EFNB2: variants seen among roughly 807,000 people sequenced by gnomAD.
EFNB2 encodes the protein ephrin-B2.
A neutral mutation model predicts 32.1 loss-of-function variants in EFNB2; 5 were observed. The observed-to-expected ratio is 0.16, with a 90% CI of 0.08 to 0.33. The LOEUF (loss-of-function observed/expected upper bound fraction) is 0.33, where lower values mean the gene tolerates loss of function less well. EFNB2 is among the 10% of genes least tolerant of loss of function. The pLI, the probability that EFNB2 is intolerant of heterozygous loss-of-function variation, is 1.00. For synonymous variants in EFNB2, 168 were observed against 166.5 expected (o/e 1.01, Z -0.07); for missense variants, 263 against 422.6 (o/e 0.62, Z 3.31).
intron 4 of EFNB2, among the ~76,000 whole-genome samples, chr13:106,494,522 G>T (rs1165755359): frequency 1.3e-5 from 2 of 152,202 alleles, no homozygotes; most frequent in African/African-American, 4.8e-5. Context: ...GATATAATTA[G>T]ATGAGGGATT....
At position 106,490,553 on chromosome 13, in the gene EFNB2, G is replaced by GAA. The variant is rs1230669590; in HGVS notation, c.*2486_*2487insTT. 6.6e-6 allele frequency: 1 copy of GAA among 152,044 alleles called. No individual in the cohort carries two copies. Among genetic ancestry groups the GAA allele is most frequent in the African/African-American group, 2.4e-5 (1 of 41,408 alleles). 9.4% of individuals were successfully genotyped at this position (152,044 alleles called of 1,614,324 possible). ...TAGCCAACTGATGATACATACATTT[G>GAA]ATTTCATTAAAATCAGACTATTTCC... On this transcript the variant is annotated 3_prime_UTR_variant, in exon 5 of 5. Transcript: ENST00000646441.
rs1279651430 is a variant in EFNB2, at chr13:106,520,417, C to G, written c.123-7605G>C. 3.3e-5 allele frequency: 5 copies of G among 152,350 alleles called. No individual in the cohort carries two copies. The East Asian group carries it at 9.7e-4, about 29-fold the overall frequency. The allele number at this position is 152,350 out of a possible 1,614,324, so 9.4% of individuals were successfully genotyped here. On this transcript the variant is annotated intron_variant, in intron 1 of 4. Transcript: ENST00000646441. ...GCACGCTGCTCTGGATAAGCCCAAA[C>G]CCTTGACCCTTCACCCCACCATGTA...
chr13:106,532,803 C>T (rs1387837276), intron 1 of EFNB2, among the ~76,000 whole-genome samples: 1 of 149,220 alleles, frequency 6.7e-6, no homozygotes, highest in Admixed American at 6.8e-5. Context: ...GAAAGACAGA[C>T]TCATCTTCAT....
Position 106,535,403 on chromosome 13 carries a change from C to A in EFNB2, c.-439G>T, listed in dbSNP as rs1343435104. 2.0e-5 allele frequency: 3 copies of A among 150,598 alleles called. No homozygotes were observed. Among genetic ancestry groups the A allele is most frequent in the African/African-American group, 7.3e-5 (3 of 41,274 alleles). 9.3% of individuals were successfully genotyped at this position (150,598 alleles called of 1,614,324 possible). On this transcript the variant is annotated 5_prime_UTR_variant, in exon 1 of 5. Coordinates refer to ENST00000646441, the MANE Select transcript of EFNB2 (RefSeq NM_004093.4). ...GTGACTATAGATCCAGTGCAGCGGGCAGCGGCCCGAGCGCGCGGGCGCCGC... is the reference window on the plus strand; with the variant it reads ...GTGACTATAGATCCAGTGCAGCGGGAAGCGGCCCGAGCGCGCGGGCGCCGC...
rs34068695 is a variant in EFNB2 at position 106,509,627 on chromosome 13, CTGTGTGTGTGTGTGTGTGTG to C, written c.406+2882_406+2901del. Among the ~76,000 whole-genome samples the C allele has an allele frequency of 1.7e-4, 24 of 142,666 alleles. No individual in the cohort carries two copies. In the South Asian group the frequency reaches 2.2e-3, roughly 13 times the overall value. 93.6% of individuals were successfully genotyped at this position (142,666 alleles called of 152,430 possible). A position where few individuals can be genotyped will look rare whatever the true frequency, so the allele number is the denominator to read the frequency against. On this transcript the variant is annotated intron_variant, in intron 2 of 4. Transcript: ENST00000646441. ...TCAAAAAAGCCAGTACAGAGCTTGACTGTGTGTGTGTGTGTGTGTGTGTGTGTGTGTGTGTGTGTGTGTGC... is the reference window on the plus strand; with the variant it reads ...TCAAAAAAGCCAGTACAGAGCTTGACTGTGTGTGTGTGTGTGTGTGTGTGC...
chr13:106,534,747 C>A, intron 1 of EFNB2, 96 bp downstream of exon 1: 2 of 1,413,990 alleles, frequency 1.4e-6, no homozygotes, highest in Non-Finnish European at 1.9e-6. Flanking sequence ...GTTCCAGAAA[C>A]AGGCTCCGAG....
chr13:106,503,126 C>T (rs1332305751), intron 2 of EFNB2, among the ~76,000 whole-genome samples: 1 of 152,064 alleles, frequency 6.6e-6, no homozygotes. Flanking sequence ...TTTGGAACAG[C>T]TTGGTGTCTT....
chr13:106,521,756 T>A (rs1879527553), intron 1 of EFNB2: 1 of 148,036 alleles, frequency 6.8e-6, no homozygotes, highest in Admixed American at 6.6e-5. Flanking sequence ...TCTCATAGTT[T>A]AAGCTTTTTT....
intron 2 of EFNB2, 38 bp from the exon 3 acceptor site, chr13:106,495,878 G>A (rs2138899904): frequency 6.4e-7 from 1 of 1,568,198 alleles, no homozygotes; most frequent in Non-Finnish European, 8.7e-7. Context: ...AAAAAATAAA[G>A]AAAAATCAGG....
intron 2 of EFNB2, among the ~76,000 whole-genome samples, chr13:106,501,144 G>A (rs1045470620): frequency 6.6e-6 from 1 of 152,160 alleles, no homozygotes; most frequent in East Asian, 1.9e-4. Context: ...TCAAATTAAT[G>A]TAGTTGAATG....
At chr13:106,507,703 T>G (rs1161800016) in intron 2 of EFNB2, among the ~76,000 whole-genome samples, 1 of 152,182 alleles carries the variant, frequency 6.6e-6, no homozygotes, top group Non-Finnish European at 1.5e-5. Flanking sequence ...TCCAGACTTG[T>G]TCAGTGTTCC....
Position 106,535,181 on chromosome 13 carries a change from C to CGGCGGCGCGGCGGACTCGGGGTTCCGG in EFNB2, c.-244_-218dup, listed in dbSNP as rs1281038857. 3.0e-5 allele frequency: 6 copies of CGGCGGCGCGGCGGACTCGGGGTTCCGG among 198,080 alleles called. No individual in the cohort carries two copies. The highest frequency in any genetic ancestry group is 5.4e-5 in the Non-Finnish European group (6 of 111,100). 12.3% of individuals were successfully genotyped at this position (198,080 alleles called of 1,614,324 possible). A position where few individuals can be genotyped will look rare whatever the true frequency, so the allele number is the denominator to read the frequency against. ...GGGGCGGGAGCGCACGCGCGGGGCG[C>CGGCGGCGCGGCGGACTCGGGGTTCCGG]GGCGGCGCGGCGGACTCGGGGTTCC... is the stretch of plus-strand genomic sequence containing the variant. On this transcript the variant is annotated 5_prime_UTR_variant, in exon 1 of 5. Coordinates refer to ENST00000646441, the MANE Select transcript of EFNB2 (RefSeq NM_004093.4).
At chr13:106,495,863 A>G (rs1878571792) in intron 2 of EFNB2, 23 bp from the exon 3 acceptor site, 3 of 1,597,756 alleles carry the variant, frequency 1.9e-6, no homozygotes, top group African/African-American at 2.7e-5. Flanking sequence ...AAAATGGACA[A>G]AACAAAAAAA....
chr13:106,507,812 A>G (rs1879005512), intron 2 of EFNB2, among the ~76,000 whole-genome samples: 1 of 152,120 alleles, frequency 6.6e-6, no homozygotes, highest in Non-Finnish European at 1.5e-5. Context: ...CTTTAATCAA[A>G]CAGTCCTTCG....
At chr13:106,527,097 T>C (rs1220461305) in intron 1 of EFNB2, among the ~76,000 whole-genome samples, 1 of 152,110 alleles carries the variant, frequency 6.6e-6, no homozygotes, top group African/African-American at 2.4e-5. Context: ...GTAGCACTCA[T>C]AATTATTCTG....
chr13:106,490,414 T>G lies in EFNB2; in HGVS notation c.*2626A>C, dbSNP rs948125102. ...TCAAACAAAGGGACAGTTGGTAGAT[T>G]GTCATATTCTGCACCAGACACAAAA... On this transcript the variant is annotated 3_prime_UTR_variant, in exon 5 of 5. Coordinates refer to ENST00000646441, the MANE Select transcript of EFNB2 (RefSeq NM_004093.4). The G allele has an allele frequency of 6.6e-6, 1 of 152,190 alleles. No homozygotes were observed. Among genetic ancestry groups the G allele is most frequent in the Non-Finnish European group, 1.5e-5 (1 of 68,026 alleles). 9.4% of individuals were successfully genotyped at this position (152,190 alleles called of 1,614,324 possible).
chr13:106,499,813 G>A (rs1302258219), intron 2 of EFNB2, among the ~76,000 whole-genome samples: 2 of 152,054 alleles, frequency 1.3e-5, no homozygotes, highest in Non-Finnish European at 2.9e-5. Flanking sequence ...TTTACAGCCT[G>A]TTTTTAAAAG....
rs1450166171 is a variant in EFNB2, at chr13:106,492,705, G to A, written c.*335C>T. ...CTGCCAGGATGCTCACAGCCCTCTC[G>A]TCCACAAACCACTGTCTTCCCTTGG... is the stretch of plus-strand genomic sequence containing the variant. On this transcript the variant is annotated 3_prime_UTR_variant, in exon 5 of 5. Coordinates refer to ENST00000646441, the MANE Select transcript of EFNB2 (RefSeq NM_004093.4). This position sits in a 1 kb window ranked among gnomAD's most constrained non-coding sequence, Gnocchi z 5.1. 3 of 225,108 alleles carry A rather than the reference G, an allele frequency of 1.3e-5. No homozygotes were observed. The highest frequency in any genetic ancestry group is 8.9e-5 in the East Asian group (1 of 11,222). 13.9% of individuals were successfully genotyped at this position (225,108 alleles called of 1,614,324 possible).
At chr13:106,526,537 A>G (rs1459514370) in intron 1 of EFNB2, among the ~76,000 whole-genome samples, 1 of 152,158 alleles carries the variant, frequency 6.6e-6, no homozygotes, top group Admixed American at 6.5e-5. Flanking sequence ...GAAATCATGA[A>G]CTTTACTGGA....
Sources: allele counts gnomAD v4.1 joint callset (sites outside exome capture counted in the v4.1 genomes callset), GRCh38; gene constraint gnomAD v4.1.1; non-coding constraint Gnocchi (gnomAD v3.1); transcripts MANE v1.5; gene names NCBI Gene and HGNC (gene_info 2026-07-23, HGNC 2026-07-21).